SORBS2: variants seen among roughly 807,000 people sequenced by gnomAD.
SORBS2 encodes sorbin and SH3 domain containing 2.
In SORBS2, 46 loss-of-function variants were observed where a neutral mutation model predicts 97.7. The ratio of observed to expected loss-of-function variants is 0.47; its 90% CI spans 0.37 to 0.60. The LOEUF (loss-of-function observed/expected upper bound fraction) is 0.60. SORBS2 is among the 20% of genes least tolerant of loss of function. The pLI, the probability that SORBS2 is intolerant of heterozygous loss-of-function variation, is 0.00. For synonymous variants in SORBS2, 476 were observed against 473.4 expected (o/e 1.01, Z -0.07); for missense variants, 1,316 against 1,282.3 (o/e 1.03, Z -0.40).
At chr4:185,804,433 T>C (rs534867691) in intron 1 of SORBS2, among the ~76,000 whole-genome samples, 1 of 152,338 alleles carries the variant, frequency 6.6e-6, no homozygotes, top group South Asian at 2.1e-4. Flanking sequence ...GTCAAAACAC[T>C]TCATTAACAT....
chr4:185,830,194 GT>G, intron 1 of SORBS2, among the ~76,000 whole-genome samples: 1 of 152,094 alleles, frequency 6.6e-6, no homozygotes. Context: ...TAACCTAGAT[GT>G]AGCACATTGA....
chr4:185,604,025 A>T (rs1242895277), intron 12 of SORBS2, among the ~76,000 whole-genome samples: 1 of 152,214 alleles, frequency 6.6e-6, no homozygotes, highest in Non-Finnish European at 1.5e-5. Flanking sequence ...CTGAGAGGTG[A>T]TGGAGAATGG....
At chr4:185,647,346 A>G (rs1414529615) in intron 3 of SORBS2, among the ~76,000 whole-genome samples, 1 of 152,154 alleles carries the variant, frequency 6.6e-6, no homozygotes, top group African/African-American at 2.4e-5. Flanking sequence ...CTTACGAAGG[A>G]AAGCTTCAAA....
chr4:185,831,128 C>T (rs2099204893), intron 1 of SORBS2, among the ~76,000 whole-genome samples: 1 of 152,204 alleles, frequency 6.6e-6, no homozygotes, highest in South Asian at 2.1e-4. Context: ...CTTGATCGTA[C>T]ACTCTAAAAT....
At chr4:185,896,348 C>G (rs1359781651) in intron 1 of SORBS2, among the ~76,000 whole-genome samples, 1 of 152,194 alleles carries the variant, frequency 6.6e-6, no homozygotes, top group Admixed American at 6.5e-5. Flanking sequence ...CTTTGGGAGG[C>G]CGAGGCAGGT....
intron 1 of SORBS2, among the ~76,000 whole-genome samples, chr4:185,847,794 C>T (rs923805866): frequency 2.0e-5 from 3 of 152,172 alleles, no homozygotes; most frequent in Non-Finnish European, 4.4e-5. Flanking sequence ...GGGCTCACAT[C>T]TTAGGAGATC....
intron 1 of SORBS2, among the ~76,000 whole-genome samples, chr4:185,926,307 T>C (rs2099263662): frequency 6.6e-6 from 1 of 152,170 alleles, no homozygotes; most frequent in African/African-American, 2.4e-5. Context: ...ACTAGCGTGG[T>C]GGCGGCACGG....
intron 1 of SORBS2, 22 bp from the exon 2 acceptor site, chr4:185,775,388 A>G (rs1429467560): frequency 2.0e-5 from 3 of 152,588 alleles, no homozygotes; most frequent in South Asian, 2.1e-4. Flanking sequence ...AAAGCAAGAG[A>G]GAGGCAAATG....
At chr4:185,763,008 G>A (rs2098910071) in intron 2 of SORBS2, among the ~76,000 whole-genome samples, 1 of 152,156 alleles carries the variant, frequency 6.6e-6, no homozygotes, top group East Asian at 1.9e-4. Context: ...GGCCAACATG[G>A]TGAAATCCCA....
chr4:185,614,956 G>A lies in SORBS2; in HGVS notation c.2470C>T (p.Leu824Phe), dbSNP rs756897118. ...GGCTGTGCTTTCTCAGGAGGTGTGAGTTTCTATGAAGGAAATAGTCATTTA... is the reference window on the plus strand; with the variant it reads ...GGCTGTGCTTTCTCAGGAGGTGTGAATTTCTATGAAGGAAATAGTCATTTA... Residue 824 changes from leucine to phenylalanine, a missense_variant, in exon 11 of 15, where the codon CTC becomes TTC. Coordinates refer to ENST00000418609, the Ensembl canonical transcript of SORBS2. The A allele has an allele frequency of 2.5e-6, 4 of 1,614,182 alleles. No homozygotes were observed. In the South Asian group the frequency reaches 3.3e-5, roughly 13 times the overall value.
At chr4:185,588,584 G>A (rs1020911453) in intron 14 of SORBS2, among the ~76,000 whole-genome samples, 2 of 49,232 alleles carry the variant, frequency 4.1e-5, no homozygotes, top group East Asian at 1.8e-3. Context: ...GCCATTTTAC[G>A]TTTCTCCTCC....
intron 1 of SORBS2, among the ~76,000 whole-genome samples, chr4:185,880,196 G>A (rs183827554): frequency 3.9e-5 from 6 of 152,258 alleles, no homozygotes; most frequent in Admixed American, 6.5e-5. Flanking sequence ...TCTCAGAGCC[G>A]TCTGTCTTAA....
At chr4:185,937,746 C>T (rs558439670) in intron 1 of SORBS2, among the ~76,000 whole-genome samples, 1 of 152,210 alleles carries the variant, frequency 6.6e-6, no homozygotes, top group East Asian at 1.9e-4. Context: ...AAGCAATGAA[C>T]ACAGAATGAT....
At chr4:185,949,293 T>A (rs1322539287) in intron 1 of SORBS2, among the ~76,000 whole-genome samples, 1 of 152,204 alleles carries the variant, frequency 6.6e-6, no homozygotes, top group Non-Finnish European at 1.5e-5. Flanking sequence ...TCTTTGGTGG[T>A]ACACCCAGTA....
intron 1 of SORBS2, among the ~76,000 whole-genome samples, chr4:185,815,649 A>C (rs1339820587): frequency 2.0e-5 from 3 of 152,040 alleles, no homozygotes; most frequent in African/African-American, 7.3e-5. Flanking sequence ...TAGTATACGC[A>C]CACACATATA....
intron 4 of SORBS2, chr4:185,639,035 G>A (rs2097081299): frequency 6.6e-7 from 1 of 1,513,854 alleles, no homozygotes; most frequent in Admixed American, 2.3e-5. Context: ...GGGAGAGGGG[G>A]CTGCAAGAAA....
Position 185,623,449 on chromosome 4 carries a change from G to A in SORBS2, c.1680C>T (p.Ser560=). 6.2e-7 allele frequency: 1 copy of A among 1,612,268 alleles called. No homozygotes were observed. The highest frequency in any genetic ancestry group is 8.5e-7 in the Non-Finnish European group (1 of 1,180,024). ...AGGAGGCCGGGCACCTGCCTTTGCA[G>A]GAGCTGATGAGGTGGCGGTGGTGGT... is the stretch of plus-strand genomic sequence containing the variant. The change falls in exon 7 of 15, where the codon TCC becomes TCT. Residue 560 remains serine, a synonymous_variant. Transcript: ENST00000418609. The surrounding 1 kb of genome is among the most constrained non-coding windows in gnomAD (Gnocchi z 6.4).
chr4:185,899,200 G>C (rs1447784383), intron 1 of SORBS2, among the ~76,000 whole-genome samples: 1 of 152,104 alleles, frequency 6.6e-6, no homozygotes, highest in African/African-American at 2.4e-5. Flanking sequence ...GAGGTAAGAA[G>C]CACCAGGTCC....
intron 4 of SORBS2, among the ~76,000 whole-genome samples, chr4:185,665,109 T>C (rs557276353): frequency 6.6e-6 from 1 of 152,336 alleles, no homozygotes; most frequent in East Asian, 1.9e-4. Context: ...ATAAAAAATG[T>C]ATTCATAAAT....
Sources: allele counts gnomAD v4.1 joint callset (sites outside exome capture counted in the v4.1 genomes callset), GRCh38; gene constraint gnomAD v4.1.1; non-coding constraint Gnocchi (gnomAD v3.1); transcripts MANE v1.5; gene names NCBI Gene and HGNC (gene_info 2026-07-23, HGNC 2026-07-21).